CA10: variants seen among roughly 807,000 people sequenced by gnomAD.
The protein encoded by CA10 is carbonic anhydrase 10 (inactive).
A neutral mutation model predicts 44.2 loss-of-function variants in CA10; 14 were observed. The ratio of observed to expected loss-of-function variants is 0.32; its 90% CI spans 0.21 to 0.50. The LOEUF is 0.50. CA10 is among the 20% of genes least tolerant of loss of function. CA10 has a pLI of 0.99. For missense variants in CA10, 350 were observed against 409.7 expected (o/e 0.85, Z 1.26); for synonymous variants, 159 against 141.6 (o/e 1.12, Z -0.87).
chr17:51,904,538 G>C (rs1005144097), intron 3 of CA10, among the ~76,000 whole-genome samples: 1 of 151,998 alleles, frequency 6.6e-6, no homozygotes, highest in Admixed American at 6.6e-5. Context: ...ATATTTGCTA[G>C]GGATTTTTCA....
chr17:51,795,633 C>T (rs1400791850), intron 3 of CA10, among the ~76,000 whole-genome samples: 1 of 152,168 alleles, frequency 6.6e-6, no homozygotes, highest in Non-Finnish European at 1.5e-5. Flanking sequence ...TGGTGCAGGT[C>T]TGTGTTTCTT....
At chr17:52,120,096 A>T (rs1391822415) in intron 1 of CA10, among the ~76,000 whole-genome samples, 1 of 152,192 alleles carries the variant, frequency 6.6e-6, no homozygotes, top group East Asian at 1.9e-4. Context: ...GTCAAGCCCC[A>T]TGCACCCAAA....
At chr17:51,999,661 A>G (rs1336457260) in intron 2 of CA10, among the ~76,000 whole-genome samples, 18 of 151,986 alleles carry the variant, frequency 1.2e-4, no homozygotes, top group Admixed American at 1.2e-3. Flanking sequence ...AGATCATTCC[A>G]TCATCAAAGT....
intron 3 of CA10, among the ~76,000 whole-genome samples, chr17:51,826,039 G>A (rs1907997403): frequency 6.6e-6 from 1 of 152,190 alleles, no homozygotes; most frequent in South Asian, 2.1e-4. Flanking sequence ...AAATAGCAAT[G>A]GTAATAACTA....
At chr17:52,019,569 T>G (rs1598169490) in intron 2 of CA10, among the ~76,000 whole-genome samples, 1 of 152,242 alleles carries the variant, frequency 6.6e-6, no homozygotes, top group Non-Finnish European at 1.5e-5. Flanking sequence ...TTTTTTTTAC[T>G]ATGTTTAAAT....
At chr17:51,856,777 C>T (rs1442189843) in intron 3 of CA10, among the ~76,000 whole-genome samples, 3 of 152,124 alleles carry the variant, frequency 2.0e-5, no homozygotes, top group African/African-American at 7.2e-5. Context: ...GTCTGAGGAA[C>T]CCCAAGTTGA....
At chr17:51,716,463 A>T (rs1222268300) in intron 4 of CA10, among the ~76,000 whole-genome samples, 1 of 152,066 alleles carries the variant, frequency 6.6e-6, no homozygotes, top group Admixed American at 6.5e-5. Context: ...AATGATATTT[A>T]TTCAGAGAAA....
chr17:51,718,876 T>TTCTC (rs1363822154), intron 4 of CA10, among the ~76,000 whole-genome samples: 2 of 152,220 alleles, frequency 1.3e-5, no homozygotes, highest in African/African-American at 4.8e-5. Context: ...GATTGTTGAA[T>TTCTC]GAGAGGATAG....
At chr17:51,868,525 C>A (rs11658806) in intron 3 of CA10, among the ~76,000 whole-genome samples, 15,087 of 152,208 alleles carry the variant, frequency 0.099, 942 homozygotes, top group African/African-American at 0.18. Context: ...ACCAACCCTG[C>A]CCAATCTCCA....
intron 3 of CA10, among the ~76,000 whole-genome samples, chr17:51,860,953 C>T (rs1979276733): frequency 6.6e-6 from 1 of 152,144 alleles, no homozygotes; most frequent in African/African-American, 2.4e-5. Flanking sequence ...CGCTGACCTC[C>T]TATGAAGCCA....
At chr17:51,874,984 C>CTTTTCTTTTCTTTTCTTTTCT (rs1567869305) in intron 3 of CA10, among the ~76,000 whole-genome samples, 14 of 134,034 alleles carry the variant, frequency 1.0e-4, no homozygotes, top group Non-Finnish European at 1.6e-5. Context: ...CTTTTCTTTT[C>CTTTTCTTTTCTTTTCTTTTCT]TTTTCTTTTC....
chr17:51,965,154 G>A (rs1160465708), intron 2 of CA10, among the ~76,000 whole-genome samples: 1 of 151,742 alleles, frequency 6.6e-6, no homozygotes, highest in Non-Finnish European at 1.5e-5. Flanking sequence ...TAGAGGAAAT[G>A]GATAAATTCC....
At chr17:51,634,215 G>A (rs553152275) in intron 7 of CA10, among the ~76,000 whole-genome samples, 1 of 152,216 alleles carries the variant, frequency 6.6e-6, no homozygotes, top group Non-Finnish European at 1.5e-5. Context: ...GGACAACAGA[G>A]AGAAAGCACT....
chr17:51,704,782 GCAAAACC>G (rs1180300411), intron 4 of CA10, among the ~76,000 whole-genome samples: 3 of 152,052 alleles, frequency 2.0e-5, no homozygotes, highest in Non-Finnish European at 4.4e-5. Flanking sequence ...GGCCAACATG[GCAAAACC>G]CCATCTCTGC....
chr17:51,972,915 T>C (rs1719241837), intron 2 of CA10, among the ~76,000 whole-genome samples: 1 of 152,156 alleles, frequency 6.6e-6, no homozygotes, highest in Non-Finnish European at 1.5e-5. Flanking sequence ...GCATGGCTAT[T>C]GGGAATCACA....
intron 3 of CA10, among the ~76,000 whole-genome samples, chr17:51,924,451 G>A (rs370533549): frequency 5.3e-5 from 8 of 152,124 alleles, no homozygotes; most frequent in African/African-American, 1.2e-4. Flanking sequence ...TTATTAGCTC[G>A]TATTTATTTC....
intron 1 of CA10, among the ~76,000 whole-genome samples, chr17:52,080,065 CAA>C (rs966541731): frequency 9.9e-5 from 15 of 152,150 alleles, no homozygotes; most frequent in African/African-American, 3.6e-4. Flanking sequence ...AGCAAGCTGA[CAA>C]AATTATATTT....
At chr17:52,115,855 A>C (rs933757577) in intron 1 of CA10, among the ~76,000 whole-genome samples, 1 of 152,232 alleles carries the variant, frequency 6.6e-6, no homozygotes, top group Non-Finnish European at 1.5e-5. Context: ...GCACTTTGGG[A>C]GGCCGAGGCA....
intron 2 of CA10, among the ~76,000 whole-genome samples, chr17:51,985,590 T>C (rs1022101540): frequency 6.6e-6 from 1 of 151,960 alleles, no homozygotes; most frequent in Admixed American, 6.6e-5. Flanking sequence ...GCTGATGATA[T>C]GATTATATAC....
Sources: allele counts gnomAD v4.1 joint callset (sites outside exome capture counted in the v4.1 genomes callset), GRCh38; gene constraint gnomAD v4.1.1; transcripts MANE v1.5; gene names NCBI Gene and HGNC (gene_info 2026-07-23, HGNC 2026-07-21).